The following TAMM41 variants were observed in gnomAD, a reference collection of about 807,000 sequenced individuals.
TAMM41 encodes TAM41 mitochondrial translocator assembly and maintenance homolog.
A neutral mutation model predicts 44.1 loss-of-function variants in TAMM41; 36 were observed. The ratio of observed to expected loss-of-function variants is 0.82; its 90% CI spans 0.63 to 1.08. The LOEUF (loss-of-function observed/expected upper bound fraction) is 1.08, where lower values mean the gene tolerates loss of function less well. TAMM41 is among the 50% of genes least tolerant of loss of function. The probability of loss-of-function intolerance (pLI) is 0.00; values close to 1 mark genes in which losing one functional copy is unlikely to be tolerated. For missense variants in TAMM41, 417 were observed against 404.3 expected, an observed-to-expected ratio of 1.03 and a Z score of -0.27; for synonymous variants, 164 against 153.1, an observed-to-expected ratio of 1.07 and a Z score of -0.53.
the TAMM41 span, among the ~76,000 whole-genome samples, chr3:11,770,025 C>G: frequency 6.6e-6 from 1 of 152,212 alleles, no homozygotes; most frequent in African/African-American, 2.4e-5. Flanking sequence ...CTTGGAAAAG[C>G]CTCATTTGGT....
At chr3:11,812,407 A>C (rs1367144803) in intron 5 of TAMM41, among the ~76,000 whole-genome samples, 3 of 152,200 alleles carry the variant, frequency 2.0e-5, no homozygotes, top group Admixed American at 1.3e-4. Context: ...ACACATCCTG[A>C]ATCAATCACC....
At chr3:11,765,915 T>C in the TAMM41 span, among the ~76,000 whole-genome samples, 138 of 152,240 alleles carry the variant, frequency 9.1e-4, 1 homozygote, top group African/African-American at 3.2e-3. Context: ...TTAGCCAGGC[T>C]GGTCTCGAAC....
At chr3:11,841,067 ATTTCTATT>A (rs2079412381) in intron 2 of TAMM41, among the ~76,000 whole-genome samples, 1 of 128,524 alleles carries the variant, frequency 7.8e-6, no homozygotes, top group Non-Finnish European at 1.6e-5. Flanking sequence ...AGTTCAGCCC[ATTTCTATT>A]TTTTTTTTTT....
the TAMM41 span, among the ~76,000 whole-genome samples, chr3:11,772,372 T>C: frequency 0.029 from 4,383 of 152,158 alleles, 172 homozygotes; most frequent in African/African-American, 0.09. Flanking sequence ...TGAGCCACCG[T>C]GCCCAGCCCA....
the TAMM41 span, among the ~76,000 whole-genome samples, chr3:11,745,039 T>A: frequency 0.041 from 6,171 of 152,150 alleles, 392 homozygotes; most frequent in African/African-American, 0.14. Flanking sequence ...AATTTTGTAT[T>A]TTTAGTAGAG....
At chr3:11,829,948 T>C in intron 3 of TAMM41, 84 bp from the exon 4 acceptor site, 1 of 1,338,502 alleles carries the variant, frequency 7.5e-7, no homozygotes, top group Non-Finnish European at 1.1e-6. Context: ...TGGAACTATC[T>C]CAAACTCTCT....
At chr3:11,817,650 A>C (rs1238278124) in intron 4 of TAMM41, among the ~76,000 whole-genome samples, 2 of 152,152 alleles carry the variant, frequency 1.3e-5, no homozygotes, top group Non-Finnish European at 2.9e-5. Flanking sequence ...CTGTACCTAC[A>C]AAGTCTTGTC....
chr3:11,832,993 GC>G, intron 3 of TAMM41: 1 of 1,031,180 alleles, frequency 9.7e-7, no homozygotes, highest in Admixed American at 5.4e-5. Context: ...GAAAATAAAA[GC>G]ATCCTTACTC....
chr3:11,796,887 T>C (rs113701269), intron 7 of TAMM41, among the ~76,000 whole-genome samples: 1 of 145,130 alleles, frequency 6.9e-6, no homozygotes, highest in Admixed American at 6.9e-5. Context: ...CAAGAGCCAA[T>C]TAAGAACGCA....
the TAMM41 span, among the ~76,000 whole-genome samples, chr3:11,780,518 C>T: frequency 7.2e-5 from 11 of 152,152 alleles, no homozygotes; most frequent in Non-Finnish European, 1.3e-4. Flanking sequence ...CCTGATGGCC[C>T]GGTTTGGGAT....
At chr3:11,808,256 A>C (rs1281256667) in intron 6 of TAMM41, 2 of 1,080,516 alleles carry the variant, frequency 1.9e-6, no homozygotes, top group African/African-American at 3.3e-5. Flanking sequence ...ATAAAAACCA[A>C]ATGATTACAT....
the TAMM41 span, among the ~76,000 whole-genome samples, chr3:11,733,823 G>A: frequency 9.9e-5 from 15 of 152,028 alleles, no homozygotes; most frequent in East Asian, 1.6e-3. Context: ...TTAAATTTTC[G>A]TTTCCAAGTC....
the TAMM41 span, among the ~76,000 whole-genome samples, chr3:11,751,674 C>T: frequency 7.2e-5 from 11 of 152,170 alleles, no homozygotes; most frequent in Admixed American, 2.6e-4. Flanking sequence ...TTGAACTGAC[C>T]GGCTTACCCC....
chr3:11,723,399 G>A, the TAMM41 span, among the ~76,000 whole-genome samples: 1,366 of 152,094 alleles, frequency 9.0e-3, 15 homozygotes, highest in Middle Eastern at 0.024. Flanking sequence ...GGGCAACACC[G>A]CGAAACCCCA....
chr3:11,724,786 G>T, the TAMM41 span: 3 of 152,192 alleles, frequency 2.0e-5, no homozygotes, highest in African/African-American at 4.8e-5. Context: ...AAAGTGCAGA[G>T]TAGGAAGGAC....
chr3:11,760,805 C>G, the TAMM41 span, among the ~76,000 whole-genome samples: 2 of 152,016 alleles, frequency 1.3e-5, no homozygotes, highest in African/African-American at 4.8e-5. Flanking sequence ...AAGTGATCCA[C>G]CCGCTTTGGC....
At chr3:11,815,726 G>A (rs768652445) in intron 5 of TAMM41, among the ~76,000 whole-genome samples, 3 of 146,270 alleles carry the variant, frequency 2.1e-5, no homozygotes, top group African/African-American at 5.3e-5. Context: ...AGTGTAAGAC[G>A]GTAAAAAAAA....
intron 3 of TAMM41, among the ~76,000 whole-genome samples, chr3:11,834,073 T>C (rs1401047379): frequency 1.3e-5 from 2 of 151,886 alleles, no homozygotes; most frequent in Non-Finnish European, 2.9e-5. Flanking sequence ...CAAAACCCCA[T>C]CTTCACAAAA....
At chr3:11,735,077 G>C in the TAMM41 span, among the ~76,000 whole-genome samples, 1 of 150,116 alleles carries the variant, frequency 6.7e-6, no homozygotes, top group South Asian at 2.1e-4. Flanking sequence ...AAGCAAATGT[G>C]ACTCAGGCAT....
Sources: gnomAD v4.1 joint callset for allele counts (sites outside exome capture counted in the v4.1 genomes callset) on GRCh38, gnomAD v4.1.1 for gene constraint, MANE v1.5 for transcripts, NCBI Gene and HGNC (gene_info 2026-07-23, HGNC 2026-07-21) for gene names.